Variants in RPS6KA6 observed in about 807,000 individuals in gnomAD.
The protein encoded by RPS6KA6 is ribosomal protein S6 kinase A6, also known as ribosomal protein S6 kinase alpha-6.
RPS6KA6 carries 27 observed loss-of-function variants against 65.4 expected under a neutral mutation model. The observed-to-expected ratio is 0.41, with a 90% confidence interval of 0.30 to 0.57. The LOEUF (loss-of-function observed/expected upper bound fraction) is 0.57. Among genes scored for constraint, RPS6KA6 ranks in the 20% least tolerant of loss-of-function variants. The pLI is 0.24. For missense variants in RPS6KA6, 486 were observed against 555.6 expected (o/e 0.87, Z 1.26); for synonymous variants, 190 against 184.2 (o/e 1.03, Z -0.26).
chrX:84,083,989 TA>T (rs1191697465), intron 20 of RPS6KA6, among the ~76,000 whole-genome samples: 1 of 112,622 alleles, frequency 8.9e-6, no homozygotes, highest in Admixed American at 9.4e-5. Context: ...TGAGCTTTTT[TA>T]CCTATATTTC....
At chrX:84,149,968 T>G (rs1361447538) in intron 3 of RPS6KA6, among the ~76,000 whole-genome samples, 2 of 112,448 alleles carry the variant, frequency 1.8e-5, no homozygotes, top group African/African-American at 3.2e-5. Context: ...TGTTGCTTAG[T>G]GTAACCACCT....
At chrX:84,082,471 T>A (rs1391629645) in intron 20 of RPS6KA6, among the ~76,000 whole-genome samples, 1 of 111,796 alleles carries the variant, frequency 8.9e-6, no homozygotes, top group African/African-American at 3.3e-5. Flanking sequence ...GGAAAAACAT[T>A]CCATGCTCAT....
rs766501653 is a variant in RPS6KA6, at chrX:84,169,896, T to G, written c.82-5509A>C. Among the ~76,000 whole-genome samples, 167 of 111,067 alleles carry G rather than the reference T, an allele frequency of 1.5e-3. 1 individual carries two copies. Among genetic ancestry groups the G allele is most frequent in the African/African-American group, 5.0e-3 (154 of 30,602 alleles). ...CTAGTAAAAAAAAATATTGGCCAGG[T>G]GCTGTGGCTCATGCCTGTAATCCCA... is the stretch of plus-strand genomic sequence containing the variant. On this transcript the variant is annotated intron_variant, in intron 1 of 21. Coordinates refer to ENST00000262752, the MANE Select transcript of RPS6KA6 (RefSeq NM_014496.5).
chrX:84,132,402 A>T, intron 8 of RPS6KA6, among the ~76,000 whole-genome samples: 1 of 110,590 alleles, frequency 9.0e-6, no homozygotes, highest in Non-Finnish European at 1.9e-5. Flanking sequence ...ATAAGATGTG[A>T]TCCTGCCACT....
At chrX:84,106,862 G>C (rs772487291) in intron 14 of RPS6KA6, 48 bp downstream of exon 14, 1 of 1,013,357 alleles carries the variant, frequency 9.9e-7, no homozygotes, top group East Asian at 3.2e-5. Context: ...AGCAATAACA[G>C]AGAAATAATT....
chrX:84,091,885 CATGG>C (rs1489537930), intron 20 of RPS6KA6, among the ~76,000 whole-genome samples: 4 of 111,566 alleles, frequency 3.6e-5, no homozygotes, highest in Non-Finnish European at 7.5e-5. Context: ...GTTGCAGGGA[CATGG>C]ATGGAGCTGG....
intron 20 of RPS6KA6, among the ~76,000 whole-genome samples, chrX:84,075,013 T>A (rs948465991): frequency 9.0e-6 from 1 of 111,727 alleles, no homozygotes; most frequent in Non-Finnish European, 1.9e-5. Context: ...GGCGGGTGGA[T>A]CATGAGGTCA....
chrX:84,140,378 G>C (rs1427395339), intron 6 of RPS6KA6, among the ~76,000 whole-genome samples: 1 of 110,842 alleles, frequency 9.0e-6, no homozygotes, highest in Non-Finnish European at 1.9e-5. Context: ...AATAGTTACA[G>C]AAATACAAAA....
chrX:84,084,845 G>A (rs924589858), intron 20 of RPS6KA6, among the ~76,000 whole-genome samples: 1 of 112,007 alleles, frequency 8.9e-6, no homozygotes, highest in Non-Finnish European at 1.9e-5. Flanking sequence ...CAATGAGCAT[G>A]GGACGTTTTT....
At chrX:84,093,511 T>G (rs2034089949) in intron 20 of RPS6KA6, among the ~76,000 whole-genome samples, 2 of 112,200 alleles carry the variant, frequency 1.8e-5, no homozygotes, top group Non-Finnish European at 3.8e-5. Flanking sequence ...TTATGAGATA[T>G]GTCAACACTA....
intron 4 of RPS6KA6, among the ~76,000 whole-genome samples, chrX:84,147,444 C>T (rs1283542872): frequency 9.0e-6 from 1 of 110,963 alleles, no homozygotes; most frequent in Non-Finnish European, 1.9e-5. Flanking sequence ...GCAGCTGGAA[C>T]TATAGGTGCA....
chrX:84,088,003 C>A (rs778713423), intron 20 of RPS6KA6, among the ~76,000 whole-genome samples: 1 of 111,950 alleles, frequency 8.9e-6, no homozygotes, highest in South Asian at 3.7e-4. Context: ...TCCATCAGGT[C>A]ACTTATGCTC....
chrX:84,183,248 G>T (rs903990831), intron 1 of RPS6KA6, among the ~76,000 whole-genome samples: 1 of 111,371 alleles, frequency 9.0e-6, no homozygotes, highest in Non-Finnish European at 1.9e-5. Flanking sequence ...TCAATTGTTT[G>T]TTATTTCTTT....
intron 18 of RPS6KA6, among the ~76,000 whole-genome samples, chrX:84,099,254 T>C (rs1253156296): frequency 9.0e-6 from 1 of 111,223 alleles, no homozygotes; most frequent in Non-Finnish European, 1.9e-5. Context: ...CATGAAAAAC[T>C]TGTTTTAGGT....
At chrX:84,096,578 T>C (rs2034161975) in intron 19 of RPS6KA6, among the ~76,000 whole-genome samples, 1 of 111,590 alleles carries the variant, frequency 9.0e-6, no homozygotes, top group African/African-American at 3.2e-5. Context: ...TAAAGGTGGC[T>C]TTTCATGTAA....
intron 20 of RPS6KA6, among the ~76,000 whole-genome samples, chrX:84,077,414 A>G (rs1242757066): frequency 8.9e-6 from 1 of 112,081 alleles, no homozygotes. Context: ...GTAAAGACAG[A>G]CAAGTAGATC....
chrX:84,186,995 A>G (rs767599802), intron 1 of RPS6KA6: 2 of 112,339 alleles, frequency 1.8e-5, no homozygotes, highest in Admixed American at 9.4e-5. Flanking sequence ...CAACCAGAAC[A>G]GTTTCAGAGT....
chrX:84,076,538 T>TA (rs1245647715), intron 20 of RPS6KA6, among the ~76,000 whole-genome samples: 2 of 111,774 alleles, frequency 1.8e-5, no homozygotes, highest in African/African-American at 6.5e-5. Context: ...GTAACAACAA[T>TA]AAAGAAAATC....
At chrX:84,097,935 C>T (rs2034188663) in intron 18 of RPS6KA6, 87 bp from the exon 19 acceptor site, 2 of 625,470 alleles carry the variant, frequency 3.2e-6, no homozygotes, top group African/African-American at 2.3e-5. Context: ...AATAATCTCA[C>T]AAAAGTTCAT....
Sources: allele counts gnomAD v4.1 joint callset (sites outside exome capture counted in the v4.1 genomes callset), GRCh38; gene constraint gnomAD v4.1.1; transcripts MANE v1.5; gene names NCBI Gene and HGNC (gene_info 2026-07-23, HGNC 2026-07-21).